GALNTL6: variants seen among roughly 807,000 people sequenced by gnomAD.
GALNTL6 encodes polypeptide N-acetylgalactosaminyltransferase-like 6.
Under a neutral mutation model 73.7 loss-of-function variants are expected in GALNTL6, and 46 were observed. The observed-to-expected ratio is 0.62, with a 90% CI of 0.49 to 0.80. The LOEUF (loss-of-function observed/expected upper bound fraction) is 0.80. GALNTL6 is among the 30% of genes least tolerant of loss of function. The probability of loss-of-function intolerance (pLI) is 0.00; values close to 1 mark genes in which losing one functional copy is unlikely to be tolerated. For synonymous variants in GALNTL6, 259 were observed against 263.7 expected (o/e 0.98, Z 0.17); for missense variants, 604 against 755.0 (o/e 0.80, Z 2.34).
chr4:172,490,184 T>C (rs1223869445), intron 5 of GALNTL6, among the ~76,000 whole-genome samples: 2 of 151,924 alleles, frequency 1.3e-5, no homozygotes, highest in Non-Finnish European at 2.9e-5. Context: ...TCAGAAAGAG[T>C]CTATTTGAGT....
At chr4:172,784,411 C>G (rs1181992535) in intron 5 of GALNTL6, among the ~76,000 whole-genome samples, 1 of 152,090 alleles carries the variant, frequency 6.6e-6, no homozygotes, top group Non-Finnish European at 1.5e-5. Context: ...TGCCAGTGAG[C>G]ACCACAATAG....
At chr4:172,838,433 T>C (rs2111075520) in intron 7 of GALNTL6, among the ~76,000 whole-genome samples, 1 of 152,202 alleles carries the variant, frequency 6.6e-6, no homozygotes, top group Non-Finnish European at 1.5e-5. Context: ...CTTGTGGGGG[T>C]GGCAGAGGAG....
chr4:172,622,469 C>A (rs946490673), intron 5 of GALNTL6, among the ~76,000 whole-genome samples: 3 of 152,082 alleles, frequency 2.0e-5, no homozygotes, highest in Non-Finnish European at 4.4e-5. Flanking sequence ...GCATTAGAAG[C>A]TAGAAAATTA....
chr4:171,867,619 A>AT (rs1736005432), intron 2 of GALNTL6, among the ~76,000 whole-genome samples: 1 of 152,220 alleles, frequency 6.6e-6, no homozygotes, highest in Non-Finnish European at 1.5e-5. Context: ...CTGCATTAAT[A>AT]TGTTTCCACA....
In GALNTL6 at chr4:171,987,825, A is replaced by G. The variant is rs143545304; in HGVS notation, c.138+173107A>G. On this transcript the variant is annotated intron_variant, in intron 2 of 12. Coordinates refer to ENST00000506823, the MANE Select transcript of GALNTL6 (RefSeq NM_001034845.3). The stretch of plus-strand genomic sequence containing the variant: ...AGGGTGAGGAACAGGAAAGAAGGAA[A>G]TATGGGGAAATGGGGTGAATGTCAG... Among the ~76,000 whole-genome samples the G allele has an allele frequency of 4.2e-3, 640 of 152,234 alleles. 2 individuals carry two copies. The highest frequency in any genetic ancestry group is 0.014 in the African/African-American group (600 of 41,528).
At chr4:172,975,304 G>C (rs1750756913) in intron 10 of GALNTL6, among the ~76,000 whole-genome samples, 1 of 151,940 alleles carries the variant, frequency 6.6e-6, no homozygotes, top group South Asian at 2.1e-4. Context: ...AGGAGACCCA[G>C]AGTGGGCAGC....
chr4:172,397,441 A>G (rs1258263542), intron 5 of GALNTL6, among the ~76,000 whole-genome samples: 1 of 152,158 alleles, frequency 6.6e-6, no homozygotes, highest in East Asian at 1.9e-4. Context: ...TTACACGTTC[A>G]AGGACCTTTT....
At chr4:171,988,859 G>C (rs184582691) in intron 2 of GALNTL6, among the ~76,000 whole-genome samples, 1 of 152,032 alleles carries the variant, frequency 6.6e-6, no homozygotes, top group African/African-American at 2.4e-5. Context: ...GAGTAGAGGT[G>C]TCTTATACTT....
In GALNTL6 at chr4:172,267,482, G is replaced by A. The variant is rs145505757; in HGVS notation, c.247+37718G>A. The stretch of plus-strand genomic sequence containing the variant: ...TTTTATTGGTTCTTTTAGGACTCTG[G>A]AATAACTTAAAAGTTTACATCTAAT... On this transcript the variant is annotated intron_variant, in intron 3 of 12. Transcript: ENST00000506823. 1.2e-3 allele frequency among the ~76,000 whole-genome samples: 188 copies of A among 152,190 alleles called. 1 individual carries two copies. Among genetic ancestry groups the A allele is most frequent in the African/African-American group, 4.1e-3 (171 of 41,524 alleles).
intron 8 of GALNTL6, among the ~76,000 whole-genome samples, chr4:172,894,282 GTTCT>G (rs1432891977): frequency 6.6e-6 from 1 of 151,934 alleles, no homozygotes; most frequent in Non-Finnish European, 1.5e-5. Context: ...GTATCACTAG[GTTCT>G]TTATTTGAAG....
intron 5 of GALNTL6, among the ~76,000 whole-genome samples, chr4:172,525,791 A>C (rs1450767207): frequency 6.6e-6 from 1 of 152,180 alleles, no homozygotes; most frequent in Non-Finnish European, 1.5e-5. Flanking sequence ...TAAGCCCAGA[A>C]GTTCAAGGCT....
At chr4:172,602,076 G>T (rs1173252511) in intron 5 of GALNTL6, among the ~76,000 whole-genome samples, 2 of 151,836 alleles carry the variant, frequency 1.3e-5, no homozygotes, top group Admixed American at 1.3e-4. Context: ...ATAAAGAAAA[G>T]AGAAAATATT....
At position 171,829,454 on chromosome 4, in the gene GALNTL6, A is replaced by T. The variant is rs141007949; in HGVS notation, c.138+14736A>T. ...ATACAGCTTACCCCGAGTCTTCTTG[A>T]TATGCACCCACATCCAATTGATCAC... On this transcript the variant is annotated intron_variant, in intron 2 of 12. Coordinates refer to ENST00000506823, the MANE Select transcript of GALNTL6 (RefSeq NM_001034845.3). Among the ~76,000 whole-genome samples, 713 of 152,186 alleles carry T rather than the reference A, an allele frequency of 4.7e-3. 5 individuals carry two copies. The highest frequency in any genetic ancestry group is 6.8e-3 in the South Asian group (33 of 4,824).
chr4:172,104,350 A>G (rs1732618034), intron 2 of GALNTL6, among the ~76,000 whole-genome samples: 1 of 152,168 alleles, frequency 6.6e-6, no homozygotes, highest in African/African-American at 2.4e-5. Flanking sequence ...ACAGAGAGGT[A>G]AGAGGACTTG....
At chr4:172,483,256 GA>G (rs1243104268) in intron 5 of GALNTL6, among the ~76,000 whole-genome samples, 1 of 152,138 alleles carries the variant, frequency 6.6e-6, no homozygotes, top group Non-Finnish European at 1.5e-5. Context: ...GGGGATAAGG[GA>G]AGCTTTCACA....
intron 5 of GALNTL6, among the ~76,000 whole-genome samples, chr4:172,741,732 A>G (rs1450775174): frequency 1.3e-5 from 2 of 152,060 alleles, no homozygotes; most frequent in East Asian, 3.9e-4. Context: ...CTCAGCATCC[A>G]TGTACACCCT....
At chr4:172,153,912 G>A (rs971932828) in intron 2 of GALNTL6, among the ~76,000 whole-genome samples, 5 of 152,302 alleles carry the variant, frequency 3.3e-5, no homozygotes, top group African/African-American at 1.2e-4. Context: ...TCAAGGAGGC[G>A]TTGCCAAAAG....
chr4:172,657,125 G>C (rs749099892), intron 5 of GALNTL6, among the ~76,000 whole-genome samples: 1 of 152,182 alleles, frequency 6.6e-6, no homozygotes, highest in Admixed American at 6.5e-5. Flanking sequence ...AATACATGCT[G>C]ATAGGCCACT....
At chr4:172,481,235 C>T (rs866721437) in intron 5 of GALNTL6, among the ~76,000 whole-genome samples, 2 of 151,548 alleles carry the variant, frequency 1.3e-5, no homozygotes, top group Admixed American at 6.6e-5. Flanking sequence ...GTTGTTCCTT[C>T]CTCCCGACCC....
Sources: gnomAD v4.1 joint callset for allele counts (sites outside exome capture counted in the v4.1 genomes callset) on GRCh38, gnomAD v4.1.1 for gene constraint, MANE v1.5 for transcripts, NCBI Gene and HGNC (gene_info 2026-07-23, HGNC 2026-07-21) for gene names.